Variants in DOCK11 observed in about 807,000 individuals in gnomAD.
DOCK11 encodes dedicator of cytokinesis 11.
A neutral mutation model predicts 169.1 loss-of-function variants in DOCK11; 70 were observed. The observed-to-expected ratio is 0.41, with a 90% CI of 0.34 to 0.51. The LOEUF is 0.51. Ranked by LOEUF, DOCK11 falls within the 20% of genes least tolerant of loss-of-function variation. The pLI is 0.10. For missense variants in DOCK11, 1,166 were observed against 1,538.8 expected, an observed-to-expected ratio of 0.76 and a Z score of 4.05; for synonymous variants, 529 against 541.3, an observed-to-expected ratio of 0.98 and a Z score of 0.32.
At chrX:118,500,176 G>A (rs1221789424) in intron 1 of DOCK11, among the ~76,000 whole-genome samples, 8 of 109,422 alleles carry the variant, frequency 7.3e-5, no homozygotes, top group Non-Finnish European at 1.5e-4. Context: ...AGCCTCCCGA[G>A]TAGCTGGGAC....
chrX:118,667,131 G>T (rs1243993954), intron 45 of DOCK11, among the ~76,000 whole-genome samples: 1 of 111,595 alleles, frequency 9.0e-6, no homozygotes, highest in Admixed American at 9.6e-5. Context: ...AGATATATGT[G>T]CTGTATATTT....
At chrX:118,522,706 C>T (rs2011291372) in intron 1 of DOCK11, among the ~76,000 whole-genome samples, 1 of 112,025 alleles carries the variant, frequency 8.9e-6, no homozygotes, top group Admixed American at 9.5e-5. Flanking sequence ...GTGTATCTCT[C>T]TCTTCAGGAT....
At chrX:118,503,055 T>A (rs1603016383) in intron 1 of DOCK11, among the ~76,000 whole-genome samples, 1 of 100,723 alleles carries the variant, frequency 9.9e-6, no homozygotes. Context: ...AATATAGTTC[T>A]GGAGAGAGAT....
intron 20 of DOCK11, among the ~76,000 whole-genome samples, chrX:118,594,204 A>G (rs755620056): frequency 8.9e-6 from 1 of 112,045 alleles, no homozygotes; most frequent in African/African-American, 3.2e-5. Flanking sequence ...AATGGGTAGC[A>G]CCCTTAGCAG....
intron 1 of DOCK11, among the ~76,000 whole-genome samples, chrX:118,517,413 A>C (rs998394354): frequency 1.9e-5 from 2 of 107,153 alleles, no homozygotes; most frequent in African/African-American, 6.8e-5. Context: ...TAAATAAAAG[A>C]GTGCCTATCT....
intron 19 of DOCK11, among the ~76,000 whole-genome samples, chrX:118,592,069 T>A (rs1356915592): frequency 9.3e-6 from 1 of 107,350 alleles, no homozygotes; most frequent in Non-Finnish European, 1.9e-5. Flanking sequence ...TCTTTGCTAT[T>A]GTGAATAGTG....
chrX:118,568,393 TA>T (rs2013153231), intron 10 of DOCK11, among the ~76,000 whole-genome samples: 1 of 70,358 alleles, frequency 1.4e-5, no homozygotes, highest in African/African-American at 6.0e-5. Context: ...TATATATATA[TA>T]TATATATATA....
intron 28 of DOCK11, among the ~76,000 whole-genome samples, chrX:118,613,305 G>A (rs1384641534): frequency 8.9e-6 from 1 of 112,008 alleles, no homozygotes; most frequent in Non-Finnish European, 1.9e-5. Context: ...GAGGTGATGA[G>A]GGTCTTACCC....
chrX:118,521,074 T>C (rs2057718592), intron 1 of DOCK11, among the ~76,000 whole-genome samples: 1 of 111,793 alleles, frequency 8.9e-6, no homozygotes, highest in South Asian at 3.7e-4. Flanking sequence ...TCATTCCTTA[T>C]CATTACCAGC....
At chrX:118,680,797 A>G (rs901003753) in intron 49 of DOCK11, 105 bp downstream of exon 49, 1 of 719,375 alleles carries the variant, frequency 1.4e-6, no homozygotes, top group South Asian at 3.1e-5. Flanking sequence ...TTTAATTATT[A>G]TTTGTTCTGC....
chrX:118,505,497 T>C (rs2057605504), intron 1 of DOCK11, among the ~76,000 whole-genome samples: 1 of 112,223 alleles, frequency 8.9e-6, no homozygotes, highest in Non-Finnish European at 1.9e-5. Flanking sequence ...AAAAGTTAAC[T>C]GGAAGAGGGG....
intron 42 of DOCK11, 87 bp downstream of exon 42, chrX:118,652,164 T>C (rs773171631): frequency 3.5e-6 from 2 of 577,713 alleles, no homozygotes; most frequent in Admixed American, 3.2e-5. Context: ...ATTCACAACT[T>C]TTGTTAGTAT....
chrX:118,625,760 CTT>C (rs745394222), intron 32 of DOCK11, among the ~76,000 whole-genome samples: 1 of 111,708 alleles, frequency 9.0e-6, no homozygotes, highest in Non-Finnish European at 1.9e-5. Context: ...TGGTGAGACT[CTT>C]TTAGTTTATC....
Position 118,624,552 on chromosome X carries a change from A to G in DOCK11, c.3485A>G (p.Lys1162Arg), listed in dbSNP as rs916498720. The G allele has an allele frequency of 6.7e-6, 8 of 1,202,272 alleles. No individual in the cohort carries two copies. The Admixed American group carries it at 8.8e-5, about 13-fold the overall frequency. Residue 1162 changes from lysine to arginine, a missense_variant, in exon 32 of 53, where the codon AAA (lysine) becomes AGA (arginine). Transcript: ENST00000276202. ...ATTATTTTTCAGAACCAACAAGCCA[A>G]AATAGCACAATTGTACCTCCCCTTT... ...TRYQHKNQQA[K>R]IAQLYLPFVG... is the part of the protein sequence containing the mutation.
chrX:118,532,662 C>T (rs922727153), intron 1 of DOCK11, among the ~76,000 whole-genome samples: 24 of 108,404 alleles, frequency 2.2e-4, no homozygotes, highest in Non-Finnish European at 4.2e-4. Flanking sequence ...GCGCCTGTAG[C>T]CCCAGCTACT....
chrX:118,501,214 C>T (rs1410240104), intron 1 of DOCK11, among the ~76,000 whole-genome samples: 1 of 111,590 alleles, frequency 9.0e-6, no homozygotes, highest in Non-Finnish European at 1.9e-5. Context: ...GGCATGGTGG[C>T]TCACACCTGT....
At chrX:118,519,564 T>C (rs1326006403) in intron 1 of DOCK11, among the ~76,000 whole-genome samples, 1 of 111,566 alleles carries the variant, frequency 9.0e-6, no homozygotes, top group African/African-American at 3.3e-5. Flanking sequence ...TTTTAAGGTC[T>C]GCTCTTCACT....
At chrX:118,516,421 TCCCC>T (rs2057689352) in intron 1 of DOCK11, among the ~76,000 whole-genome samples, 1 of 80,056 alleles carries the variant, frequency 1.2e-5, no homozygotes, top group Non-Finnish European at 2.4e-5. Context: ...TCCCCTCCCC[TCCCC>T]TCCCCTCCTT....
Position 118,643,462 on chromosome X carries a change from A to G in DOCK11, c.4266A>G (p.Gln1422=), listed in dbSNP as rs149493049. ...ISFFTQCFKT[Q]LLNNDGHNPL... ...TATTTTTTAATGTTTTATAGACCCA[A>G]CTTTTAAATAATGATGGCCATAACC... Residue 1422 remains glutamine, a synonymous_variant, in exon 40 of 53, where the codon CAA becomes CAG. Transcript: ENST00000276202. 2.7e-5 allele frequency: 33 copies of G among 1,205,662 alleles called. No homozygotes were observed. In the South Asian group the frequency reaches 5.3e-4, roughly 20 times the overall value.
Sources: gnomAD v4.1 joint callset for allele counts (sites outside exome capture counted in the v4.1 genomes callset) on GRCh38, gnomAD v4.1.1 for gene constraint, MANE v1.5 for transcripts, NCBI Gene and HGNC (gene_info 2026-07-23, HGNC 2026-07-21) for gene names.